Variants in COL5A2 observed in about 807,000 individuals in gnomAD.
COL5A2 encodes the protein collagen type V alpha 2 chain, also known as collagen alpha-2(V) chain.
COL5A2 carries 23 observed loss-of-function variants against 208.2 expected under a neutral mutation model. The ratio of observed to expected loss-of-function variants is 0.11; its 90% confidence interval spans 0.08 to 0.16. COL5A2 has a LOEUF of 0.16. COL5A2 is among the 10% of genes least tolerant of loss of function. COL5A2 has a pLI of 1.00. For missense variants in COL5A2, 1,590 were observed against 1,956.4 expected, an observed-to-expected ratio of 0.81 and a Z score of 3.53; for synonymous variants, 625 against 628.5, an observed-to-expected ratio of 0.99 and a Z score of 0.08.
chr2:189,287,619 T>A, the COL5A2 span, among the ~76,000 whole-genome samples: 1 of 152,158 alleles, frequency 6.6e-6, no homozygotes, highest in Non-Finnish European at 1.5e-5. Flanking sequence ...GATGAGGTAC[T>A]AAAATTAGTA....
At chr2:189,413,367 A>G in the COL5A2 span, among the ~76,000 whole-genome samples, 2 of 152,198 alleles carry the variant, frequency 1.3e-5, no homozygotes, top group Non-Finnish European at 2.9e-5. Context: ...TAAGTAATTT[A>G]TGGTTACAAG....
chr2:189,187,758 A>G (rs945204393), intron 1 of COL5A2, among the ~76,000 whole-genome samples: 4 of 152,076 alleles, frequency 2.6e-5, no homozygotes, highest in African/African-American at 9.7e-5. Flanking sequence ...ATCACGAGTC[A>G]GGAGATCGAG....
At chr2:189,224,920 T>C (rs1689393833) in intron 1 of COL5A2, among the ~76,000 whole-genome samples, 1 of 151,776 alleles carries the variant, frequency 6.6e-6, no homozygotes, top group African/African-American at 2.4e-5. Context: ...TAAAAACCAA[T>C]TAAAATCTTT....
At chr2:189,365,460 G>A in the COL5A2 span, among the ~76,000 whole-genome samples, 2 of 152,196 alleles carry the variant, frequency 1.3e-5, no homozygotes, top group South Asian at 2.1e-4. Context: ...CCAACTTTAC[G>A]GAGACACTTA....
At chr2:189,437,409 C>T in the COL5A2 span, among the ~76,000 whole-genome samples, 1 of 152,174 alleles carries the variant, frequency 6.6e-6, no homozygotes, top group African/African-American at 2.4e-5. Flanking sequence ...CTAACAAGCT[C>T]CCAGGTGACA....
At chr2:189,390,597 A>G in the COL5A2 span, among the ~76,000 whole-genome samples, 1 of 152,216 alleles carries the variant, frequency 6.6e-6, no homozygotes, top group Non-Finnish European at 1.5e-5. Flanking sequence ...CAACAAATAG[A>G]GAAAAGCTAG....
chr2:189,272,913 G>C, the COL5A2 span, among the ~76,000 whole-genome samples: 26 of 152,124 alleles, frequency 1.7e-4, no homozygotes, highest in Non-Finnish European at 1.3e-4. Flanking sequence ...CACCAATTTT[G>C]TGAAATGATT....
intron 1 of COL5A2, among the ~76,000 whole-genome samples, chr2:189,214,298 CTT>C (rs1689252529): frequency 6.6e-6 from 1 of 151,738 alleles, no homozygotes; most frequent in African/African-American, 2.4e-5. Flanking sequence ...ACAATAGCAG[CTT>C]GATTAAATAA....
chr2:189,050,723 T>G, intron 42 of COL5A2, 47 bp from the exon 43 acceptor site: 1 of 1,463,372 alleles, frequency 6.8e-7, no homozygotes, highest in Non-Finnish European at 9.4e-7. Flanking sequence ...AGGGTAAAAC[T>G]GTACCCAAGG....
chr2:189,390,490 A>G, the COL5A2 span, among the ~76,000 whole-genome samples: 1 of 152,210 alleles, frequency 6.6e-6, no homozygotes, highest in South Asian at 2.1e-4. Context: ...ACAAGTGAAT[A>G]TCAATATGAA....
At position 189,053,027 on chromosome 2, in the gene COL5A2, A is replaced by C. The variant is rs535310173; in HGVS notation, c.2554-9T>G. On this transcript the variant is annotated splice_polypyrimidine_tract_variant and intron_variant, in intron 38 of 53. Coordinates refer to ENST00000374866, the MANE Select transcript of COL5A2 (RefSeq NM_000393.5). The stretch of plus-strand genomic sequence containing the variant: ...GGCTGTCCGTCAGGACCCTATAAAA[A>C]ATTATACAAACAAGCAATTGATTAT... 1 of 1,605,494 alleles carries C rather than the reference A, an allele frequency of 6.2e-7. No individual in the cohort carries two copies. The highest frequency in any genetic ancestry group is 1.1e-5 in the South Asian group (1 of 90,830).
the COL5A2 span, chr2:189,311,195 T>C: frequency 1.4e-5 from 14 of 996,476 alleles, no homozygotes; most frequent in Non-Finnish European, 2.1e-5. Context: ...CCAGACTATT[T>C]TTTTTTCACC....
chr2:189,083,477 T>C (rs1023161967), intron 12 of COL5A2, among the ~76,000 whole-genome samples: 1 of 152,070 alleles, frequency 6.6e-6, no homozygotes, highest in Non-Finnish European at 1.5e-5. Flanking sequence ...AAATTAGGGT[T>C]TGGGGAGCAG....
chr2:189,363,839 G>A, the COL5A2 span, among the ~76,000 whole-genome samples: 1 of 152,154 alleles, frequency 6.6e-6, no homozygotes, highest in Non-Finnish European at 1.5e-5. Context: ...ATAGACTGAA[G>A]TGATTGCTAG....
chr2:189,404,395 G>A, the COL5A2 span, among the ~76,000 whole-genome samples: 6 of 152,176 alleles, frequency 3.9e-5, no homozygotes, highest in Middle Eastern at 3.4e-3. Context: ...ATACATTAGC[G>A]CTCCTGTGTT....
intron 36 of COL5A2, 105 bp downstream of exon 36, chr2:189,054,054 G>C: frequency 2.8e-6 from 4 of 1,410,182 alleles, no homozygotes; most frequent in Non-Finnish European, 4.0e-6. Context: ...ACTCTGAAAT[G>C]ATCTTGCTCA....
intron 1 of COL5A2, among the ~76,000 whole-genome samples, chr2:189,119,274 G>T (rs1238132709): frequency 6.6e-6 from 1 of 152,068 alleles, no homozygotes; most frequent in African/African-American, 2.4e-5. Flanking sequence ...AGGAAGGAGG[G>T]AGAGGGGTAG....
the COL5A2 span, chr2:189,311,145 T>G: frequency 1.6e-6 from 1 of 608,588 alleles, no homozygotes; most frequent in Non-Finnish European, 2.9e-6. Context: ...GGGGCTGAAG[T>G]GGACCCCCAG....
At chr2:189,262,078 C>G in the COL5A2 span, among the ~76,000 whole-genome samples, 4 of 152,098 alleles carry the variant, frequency 2.6e-5, no homozygotes, top group African/African-American at 9.7e-5. Flanking sequence ...TAATGAGCTA[C>G]AAATTCAAAA....
Sources: gnomAD v4.1 joint callset for allele counts (sites outside exome capture counted in the v4.1 genomes callset) on GRCh38, gnomAD v4.1.1 for gene constraint, MANE v1.5 for transcripts, NCBI Gene and HGNC (gene_info 2026-07-23, HGNC 2026-07-21) for gene names.